CRB2: variants seen among roughly 807,000 people sequenced by gnomAD.
CRB2 encodes the protein protein crumbs homolog 2.
CRB2 carries 85 observed loss-of-function variants against 110.9 expected under a neutral mutation model. The observed-to-expected ratio is 0.77, with a 90% CI of 0.64 to 0.92. CRB2 has a LOEUF of 0.92. Ranked by LOEUF, CRB2 falls within the 40% of genes least tolerant of loss-of-function variation. The pLI is 0.00. For synonymous variants in CRB2, 907 were observed against 831.0 expected (o/e 1.09, Z -1.57); for missense variants, 1,843 against 1,851.3 (o/e 1.00, Z 0.08).
Position 123,376,288 on chromosome 9 carries a change from C to T in CRB2, c.3634-550C>T, listed in dbSNP as rs148033683. ...CTGGAATCCTCGCATCCTGGGACTA[C>T]AGAGTCCCAGGCATGTAGAGGCTTT... On this transcript the variant is annotated intron_variant, in intron 12 of 12. Coordinates refer to ENST00000373631, the MANE Select transcript of CRB2 (RefSeq NM_173689.7). Among the ~76,000 whole-genome samples, 32 of 152,278 alleles carry T rather than the reference C, an allele frequency of 2.1e-4. No homozygotes were observed. In the East Asian group the frequency reaches 6.2e-3, roughly 29 times the overall value.
chr9:123,372,101 A>T, intron 8 of CRB2, 76 bp from the exon 9 acceptor site: 1 of 1,436,500 alleles, frequency 7.0e-7, no homozygotes, highest in South Asian at 1.2e-5. Flanking sequence ...CTCAGCGAAG[A>T]AGCACTGCAA....
chr9:123,359,048 G>T (rs1407034223), intron 1 of CRB2, among the ~76,000 whole-genome samples: 3 of 152,184 alleles, frequency 2.0e-5, no homozygotes, highest in African/African-American at 7.2e-5. Context: ...AACTCTCAAG[G>T]GTTGGTCAGT....
Position 123,370,706 on chromosome 9 carries a change from G to A in CRB2, c.1653G>A (p.Val551=). Residue 551 remains valine, a synonymous_variant, in exon 7 of 13, where the codon GTG becomes GTA. Transcript: ENST00000373631. ...PARLCVASGP[V]ALASTASATP... Reference sequence around the variant, plus strand: ...GGCTCTGTGTGGCCTCTGGTCCTGTGGCCCTGGCTTCCACGGCTTCGGCAA... The same window carrying A: ...GGCTCTGTGTGGCCTCTGGTCCTGTAGCCCTGGCTTCCACGGCTTCGGCAA... 1 of 1,604,956 alleles carries A rather than the reference G, an allele frequency of 6.2e-7. No homozygotes were observed. The highest frequency in any genetic ancestry group is 8.5e-7 in the Non-Finnish European group (1 of 1,179,918).
At chr9:123,364,558 G>A (rs2041908394) in intron 2 of CRB2, among the ~76,000 whole-genome samples, 1 of 152,176 alleles carries the variant, frequency 6.6e-6, no homozygotes, top group Admixed American at 6.5e-5. Flanking sequence ...GGGTGGGAGT[G>A]GGGATGGGGA....
At chr9:123,362,631 C>T (rs887942500) in intron 1 of CRB2, among the ~76,000 whole-genome samples, 3 of 152,170 alleles carry the variant, frequency 2.0e-5, no homozygotes, top group Non-Finnish European at 4.4e-5. Flanking sequence ...AGAAGCCAGA[C>T]ATCCTTGGTG....
In CRB2 at chr9:123,367,250, A is replaced by G. The variant is rs759163598; in HGVS notation, c.833A>G (p.Gln278Arg). 1.3e-6 allele frequency: 2 copies of G among 1,598,954 alleles called. No individual in the cohort carries two copies. The highest frequency in any genetic ancestry group is 8.5e-7 in the Non-Finnish European group (1 of 1,177,990). Reference protein sequence around the residue: ...SPCQHGGRCLQRSDPALYGGV... With the variant: ...SPCQHGGRCLRRSDPALYGGV... ...TGCCAGCATGGGGGCCGATGCCTGC[A>G]GCGCTCTGACCCGGCCCTCTACGGG... The change falls in exon 5 of 13, where the codon CAG becomes CGG. Residue 278 changes from glutamine to arginine, a missense_variant. Transcript: ENST00000373631.
chr9:123,362,237 G>A (rs529529443), intron 1 of CRB2, among the ~76,000 whole-genome samples: 8 of 152,270 alleles, frequency 5.3e-5, no homozygotes, highest in African/African-American at 1.7e-4. Flanking sequence ...CCATCCTCCA[G>A]AGGTTGAGGT....
In CRB2 at chr9:123,374,669, C is replaced by A. The variant is rs1348153206; in HGVS notation, c.3480C>A (p.Ser1160Arg). 3 of 1,611,764 alleles carry A rather than the reference C, an allele frequency of 1.9e-6. No homozygotes were observed. Among genetic ancestry groups the A allele is most frequent in the African/African-American group, 2.7e-5 (2 of 74,940 alleles). Residue 1160 changes from serine to arginine, a missense_variant, in exon 11 of 13, where the codon AGC becomes AGA. Coordinates refer to ENST00000373631, the MANE Select transcript of CRB2 (RefSeq NM_173689.7). ...CEGGSPAANCSCLEGLAGQRC... is the reference protein window; with the variant it reads ...CEGGSPAANCRCLEGLAGQRC... ...GTGGCTCTCCCGCTGCCAACTGCAG[C>A]TGCCTGGAGGGTCTTGCTGGCCAGA...
In CRB2 at chr9:123,378,190, C is replaced by G. The variant is rs902043218; in HGVS notation, c.*1128C>G. On this transcript the variant is annotated 3_prime_UTR_variant, in exon 13 of 13. Transcript: ENST00000373631. ...TACAGGGGCTCAGTGAACACTGGCGCTGCCTCTGAGTCGGGGCTGGGCCTG... is the reference window on the plus strand; with the variant it reads ...TACAGGGGCTCAGTGAACACTGGCGGTGCCTCTGAGTCGGGGCTGGGCCTG... 3 of 152,284 alleles carry G rather than the reference C, an allele frequency of 2.0e-5. No individual in the cohort carries two copies. Among genetic ancestry groups the G allele is most frequent in the African/African-American group, 7.2e-5 (3 of 41,452 alleles). 9.4% of individuals were successfully genotyped at this position (152,284 alleles called of 1,614,324 possible). A position where few individuals can be genotyped will look rare whatever the true frequency, so the allele number is the denominator to read the frequency against.
chr9:123,370,687 G>T lies in CRB2; in HGVS notation c.1634G>T (p.Cys545Phe). The T allele has an allele frequency of 1.2e-6, 2 of 1,605,802 alleles. No individual in the cohort carries two copies. The highest frequency in any genetic ancestry group is 1.7e-6 in the Non-Finnish European group (2 of 1,179,994). Residue 545 changes from cysteine (C) to phenylalanine (F), a missense_variant, in exon 7 of 13, where the codon TGT becomes TTT. Transcript: ENST00000373631. Reference protein sequence around the residue: ...LWHEGCPARLCVASGPVALAS... With the variant: ...LWHEGCPARLFVASGPVALAS... ...CATGAGGGCTGCCCTGCCCGGCTCT[G>T]TGTGGCCTCTGGTCCTGTGGCCCTG...
chr9:123,366,395 G>C (rs888107950), intron 4 of CRB2, 29 bp downstream of exon 4: 4 of 1,526,532 alleles, frequency 2.6e-6, no homozygotes, highest in Admixed American at 4.3e-5. Flanking sequence ...GCGGCCTGGC[G>C]GGGGGAGGGG....
downstream of CRB2, chr9:123,378,808 T>G (rs1315204184): frequency 8.7e-5 from 6 of 68,984 alleles, no homozygotes; most frequent in Admixed American, 1.9e-4. Flanking sequence ...GTTTTTTGTT[T>G]TTTTTTTTTT....
chr9:123,373,798 G>A lies in CRB2; in HGVS notation c.3267G>A (p.Pro1089=), dbSNP rs757129632. Residue 1089 remains proline, a synonymous_variant, in exon 10 of 13, where the codon CCG becomes CCA. Coordinates refer to ENST00000373631, the MANE Select transcript of CRB2 (RefSeq NM_173689.7). ...ACACGPGWEG[P]RCEAHVDPCH... ...CCTGCGGCCCGGGGTGGGAAGGCCC[G>A]CGCTGCGAAGCCCACGTCGACCCCT... The A allele has an allele frequency of 1.6e-5, 25 of 1,589,956 alleles. No homozygotes were observed. Among genetic ancestry groups the A allele is most frequent in the Middle Eastern group, 1.7e-4 (1 of 6,044 alleles).
rs192413846 is a variant in CRB2 at position 123,356,213 on chromosome 9, C to T, written c.-48C>T. On this transcript the variant is annotated 5_prime_UTR_variant, in exon 1 of 13. Transcript: ENST00000373631. ...GAGGGGGGTGCGGAGCCAGCCAGGC[C>T]GCCCTCCCGTTCTCACAGCAGCCGA... 4.9e-5 allele frequency: 65 copies of T among 1,324,648 alleles called. No homozygotes were observed. The Middle Eastern group carries it at 7.6e-4, about 16-fold the overall frequency. The allele number at this position is 1,324,648 out of a possible 1,614,324, so 82.1% of individuals were successfully genotyped here.
rs1481673513 is a variant in CRB2 at position 123,372,306 on chromosome 9, C to T, written c.2566C>T (p.Pro856Ser). ...GTGTCCCGGCCAGCCCTGTCTCCCA[C>T]CTGCCACGTGTGAGGAGGTCCCTGA... The part of the protein sequence containing the change: ...LWCPGQPCLP[P>S]ATCEEVPDGF... Residue 856 changes from proline (P) to serine (S), a missense_variant, in exon 9 of 13, where the codon CCT (proline) becomes TCT (serine). Pro to Ser is a moderately conservative substitution (Grantham distance 74). Transcript: ENST00000373631. 1 of 1,609,652 alleles carries T rather than the reference C, an allele frequency of 6.2e-7. No homozygotes were observed. The highest frequency in any genetic ancestry group is 8.5e-7 in the Non-Finnish European group (1 of 1,177,648).
intron 4 of CRB2, 41 bp from the exon 5 acceptor site, chr9:123,367,131 C>A: frequency 6.6e-7 from 1 of 1,518,298 alleles, no homozygotes; most frequent in Non-Finnish European, 8.8e-7. Context: ...TGCTGCCCGG[C>A]AACCCCGTGA....
chr9:123,374,434 T>G (rs1461393118), intron 10 of CRB2, 145 bp from the exon 11 acceptor site: 1 of 663,876 alleles, frequency 1.5e-6, no homozygotes, highest in Non-Finnish European at 2.7e-6. Context: ...TTCCCTCCCA[T>G]CAGGGACCTC....
At chr9:123,355,947 CA>C (rs1489962648), upstream of CRB2, among the ~76,000 whole-genome samples, 7 of 151,812 alleles carry the variant, frequency 4.6e-5, no homozygotes, top group African/African-American at 1.2e-4. Context: ...GAAATTTCTC[CA>C]AGGAGGCTGA....
rs201581807 is a variant in CRB2, at chr9:123,370,948, C to T, written c.1895C>T (p.Ala632Val). Residue 632 changes from alanine (A) to valine (V), a missense_variant, in exon 7 of 13, where the codon GCC (alanine) becomes GTC (valine). Coordinates refer to ENST00000373631, the MANE Select transcript of CRB2 (RefSeq NM_173689.7). ...TGGACTCATTTCCGTTGCGACTGTG[C>T]CCGGCCCCATAGAGGTCCCACGTGC... ...DLWTHFRCDC[A>V]RPHRGPTCAD... 3 of 1,609,750 alleles carry T rather than the reference C, an allele frequency of 1.9e-6. No homozygotes were observed. Among genetic ancestry groups the T allele is most frequent in the Non-Finnish European group, 1.7e-6 (2 of 1,177,350 alleles).
Sources: gnomAD v4.1 joint callset for allele counts (sites outside exome capture counted in the v4.1 genomes callset) on GRCh38, gnomAD v4.1.1 for gene constraint, MANE v1.5 for transcripts, NCBI Gene and HGNC (gene_info 2026-07-23, HGNC 2026-07-21) for gene names.